MYO9A: variants seen among roughly 807,000 people sequenced by gnomAD.
The protein encoded by MYO9A is myosin IXA.
In MYO9A, 103 loss-of-function variants were observed where a neutral mutation model predicts 293.3. That is an observed-to-expected ratio of 0.35 (90% confidence interval 0.30 to 0.41). The LOEUF (loss-of-function observed/expected upper bound fraction) is 0.41, where lower values mean the gene tolerates loss of function less well. Among genes scored for constraint, MYO9A ranks in the 10% least tolerant of loss-of-function variants. The probability of loss-of-function intolerance (pLI) is 1.00; values close to 1 mark genes in which losing one functional copy is unlikely to be tolerated. For synonymous variants in MYO9A, 1,001 were observed against 1,035.7 expected (o/e 0.97, Z 0.64); for missense variants, 2,685 against 3,033.0 (o/e 0.89, Z 2.69).
chr15:71,960,225 G>A, intron 13 of MYO9A, 129 bp from the exon 14 acceptor site: 2 of 771,906 alleles, frequency 2.6e-6, no homozygotes, highest in South Asian at 1.8e-5. Context: ...CCCCATGGTG[G>A]AGATGGGGCC....
chr15:71,889,991 C>G (rs1320654890), intron 26 of MYO9A: 1 of 152,188 alleles, frequency 6.6e-6, no homozygotes, highest in Non-Finnish European at 1.5e-5. Flanking sequence ...TCAATAACAA[C>G]CAGTTTTCTA....
chr15:71,984,689 A>G (rs1421075426), intron 11 of MYO9A, among the ~76,000 whole-genome samples: 2 of 152,036 alleles, frequency 1.3e-5, no homozygotes, highest in African/African-American at 4.8e-5. Context: ...AATTTTACTA[A>G]CCTGTATCTT....
chr15:71,986,609 T>C (rs1344773041), intron 11 of MYO9A, among the ~76,000 whole-genome samples: 1 of 152,220 alleles, frequency 6.6e-6, no homozygotes, highest in Non-Finnish European at 1.5e-5. Flanking sequence ...TATGTATGTA[T>C]ACATGCTAAC....
At chr15:71,902,483 G>A (rs1335699967) in intron 22 of MYO9A, among the ~76,000 whole-genome samples, 1 of 152,056 alleles carries the variant, frequency 6.6e-6, no homozygotes, top group Admixed American at 6.6e-5. Context: ...GGAAGCAGTA[G>A]TAATGGAGAA....
chr15:72,096,772 G>A (rs1428660458), intron 1 of MYO9A, among the ~76,000 whole-genome samples: 1 of 152,196 alleles, frequency 6.6e-6, no homozygotes, highest in African/African-American at 2.4e-5. Context: ...TTCATGACTC[G>A]TGGGAAGAGG....
At chr15:72,061,221 C>A (rs147623165) in intron 1 of MYO9A, among the ~76,000 whole-genome samples, 21 of 152,128 alleles carry the variant, frequency 1.4e-4, no homozygotes, top group Non-Finnish European at 2.9e-4. Context: ...GGGAGAGACC[C>A]AGTACCATGC....
chr15:72,027,868 T>C, intron 3 of MYO9A, 75 bp from the exon 4 acceptor site: 3 of 1,087,642 alleles, frequency 2.8e-6, no homozygotes, highest in Non-Finnish European at 4.1e-6. Flanking sequence ...GGAGACAGTG[T>C]AAAAGTATAA....
chr15:71,878,236 A>G lies in MYO9A; in HGVS notation c.5740-5T>C. 4 of 1,517,870 alleles carry G rather than the reference A, an allele frequency of 2.6e-6. No individual in the cohort carries two copies. The highest frequency in any genetic ancestry group is 3.5e-6 in the Non-Finnish European group (4 of 1,135,454). The allele number at this position is 1,517,870 out of a possible 1,614,324, so 94.0% of individuals were successfully genotyped here. ...TATGCTTTTCCCATCATCCATCTAT[A>G]AGCAATAAGAAAAGAAATGTATGGT... On this transcript the variant is annotated splice_region_variant and splice_polypyrimidine_tract_variant and intron_variant, in intron 30 of 41. Coordinates refer to ENST00000356056, the MANE Select transcript of MYO9A (RefSeq NM_006901.4).
chr15:71,892,382 G>C (rs906202557), intron 26 of MYO9A: 8 of 152,184 alleles, frequency 5.3e-5, no homozygotes, highest in African/African-American at 1.9e-4. Flanking sequence ...GTGAGGTGGA[G>C]GAAGAAAGTT....
intron 19 of MYO9A, among the ~76,000 whole-genome samples, chr15:71,912,258 G>GTTT (rs34858713): frequency 2.1e-5 from 3 of 145,688 alleles, no homozygotes; most frequent in Non-Finnish European, 3.0e-5. Context: ...AAAGAGAAAA[G>GTTT]TTTTTTTTTT....
chr15:72,010,450 G>C lies in MYO9A; in HGVS notation c.1156-3C>G, dbSNP rs369686788. 3.3e-4 allele frequency: 524 copies of C among 1,608,444 alleles called. 1 individual carries two copies. The highest frequency in any genetic ancestry group is 4.1e-4 in the Non-Finnish European group (484 of 1,176,646). ...TCTCCTTCCACCGTGAAGCAATCCT[G>C]CTTATTTAAAATAAAAGTTTAAAAA... On this transcript the variant is annotated splice_region_variant and splice_polypyrimidine_tract_variant and intron_variant, in intron 6 of 41. Coordinates refer to ENST00000356056, the MANE Select transcript of MYO9A (RefSeq NM_006901.4).
chr15:71,907,410 G>A (rs1403209858), intron 19 of MYO9A, among the ~76,000 whole-genome samples: 2 of 139,772 alleles, frequency 1.4e-5, no homozygotes, highest in Non-Finnish European at 3.1e-5. Context: ...ACATACGTGT[G>A]CATGTGTCTT....
In MYO9A at chr15:71,851,368, G is replaced by T. The variant is rs370458264; in HGVS notation, c.6476-10C>A. 3.2e-5 allele frequency: 52 copies of T among 1,603,386 alleles called. No homozygotes were observed. The African/African-American group carries it at 5.9e-4, about 18-fold the overall frequency. ...TTCCTCTCCTGAAGGCCTAAAAACA[G>T]TAAGAGCAGAAACTAAGACTAAATA... On this transcript the variant is annotated splice_polypyrimidine_tract_variant and intron_variant, in intron 36 of 41. Transcript: ENST00000356056.
At chr15:72,083,453 C>A (rs1386060941) in intron 1 of MYO9A, among the ~76,000 whole-genome samples, 1 of 152,030 alleles carries the variant, frequency 6.6e-6, no homozygotes, top group Admixed American at 6.6e-5. Flanking sequence ...TTCAAAAAAC[C>A]AAATCCTAAA....
At position 71,999,899 on chromosome 15, in the gene MYO9A, C is replaced by T; in HGVS notation, c.1422G>A (p.Lys474=). Residue 474 remains lysine (K), a synonymous_variant, in exon 9 of 42, where the codon AAG becomes AAA. Coordinates refer to ENST00000356056, the MANE Select transcript of MYO9A (RefSeq NM_006901.4). ...EMLFEALVTR[K]TVTVGEKLIL... ...TAAGCTTTTCTCCCACTGTCACCGT[C>T]TTCCTTGTAACTAATGCTTCAAATA... 2.5e-6 allele frequency: 4 copies of T among 1,612,800 alleles called. No homozygotes were observed. Among genetic ancestry groups the T allele is most frequent in the Non-Finnish European group, 3.4e-6 (4 of 1,179,528 alleles).
chr15:71,903,371 C>A (rs905675384), intron 21 of MYO9A, among the ~76,000 whole-genome samples: 1 of 152,064 alleles, frequency 6.6e-6, no homozygotes, highest in South Asian at 2.1e-4. Flanking sequence ...CCTAAAATTT[C>A]TATCAGGAAA....
chr15:71,920,039 T>A (rs2144972912), intron 18 of MYO9A, among the ~76,000 whole-genome samples: 1 of 152,034 alleles, frequency 6.6e-6, no homozygotes, highest in South Asian at 2.1e-4. Context: ...ATTAGGACAT[T>A]AAAAAATAAT....
intron 1 of MYO9A, among the ~76,000 whole-genome samples, chr15:72,117,364 G>A (rs2081027356): frequency 6.6e-6 from 1 of 152,188 alleles, no homozygotes; most frequent in African/African-American, 2.4e-5. Flanking sequence ...AGGATGTAAC[G>A]TAGTCTAGAA....
intron 24 of MYO9A, 118 bp from the exon 25 acceptor site, chr15:71,899,150 G>C (rs1308433613): frequency 1.1e-6 from 1 of 932,986 alleles, no homozygotes; most frequent in African/African-American, 1.6e-5. Context: ...TAATACCTAA[G>C]TTCTTCTTAA....
Sources: gnomAD v4.1 joint callset for allele counts (sites outside exome capture counted in the v4.1 genomes callset) on GRCh38, gnomAD v4.1.1 for gene constraint, MANE v1.5 for transcripts, NCBI Gene and HGNC (gene_info 2026-07-23, HGNC 2026-07-21) for gene names.